GLRX2: variants seen among roughly 807,000 people sequenced by gnomAD.
GLRX2 encodes the protein bA101E13.1 (GRX2 glutaredoxin (thioltransferase) 2).
A neutral mutation model predicts 16.4 loss-of-function variants in GLRX2; 12 were observed. The observed-to-expected ratio is 0.73, with a 90% CI of 0.47 to 1.19. The LOEUF is 1.19. GLRX2 is among the 50% of genes most tolerant of loss of function. GLRX2 has a pLI of 0.00. For missense variants in GLRX2, 201 were observed against 201.8 expected (o/e 1.00, Z 0.02); for synonymous variants, 95 against 76.2 (o/e 1.25, Z -1.28).
At chr1:193,100,135 C>T (rs1225118977) in intron 2 of GLRX2, among the ~76,000 whole-genome samples, 1 of 152,142 alleles carries the variant, frequency 6.6e-6, no homozygotes, top group Non-Finnish European at 1.5e-5. Flanking sequence ...ACTTCTCAAG[C>T]TCGCCCTTAA....
intron 1 of GLRX2, among the ~76,000 whole-genome samples, chr1:193,103,210 C>T (rs1675114189): frequency 6.6e-6 from 1 of 152,078 alleles, no homozygotes; most frequent in South Asian, 2.1e-4. Context: ...TTGCTAAGGT[C>T]TATGGTAAGA....
chr1:193,098,366 C>T (rs1486788418), intron 2 of GLRX2, among the ~76,000 whole-genome samples: 1 of 152,024 alleles, frequency 6.6e-6, no homozygotes, highest in Non-Finnish European at 1.5e-5. Context: ...AATGGTGAAA[C>T]TCCATCTCTA....
chr1:193,097,307 C>A (rs1038747261), intron 3 of GLRX2, among the ~76,000 whole-genome samples: 2 of 152,230 alleles, frequency 1.3e-5, no homozygotes, highest in Admixed American at 6.5e-5. Context: ...AGAATACTTT[C>A]ATCTTGCCAA....
upstream of GLRX2, chr1:193,105,685 G>A (rs766653023): frequency 6.4e-7 from 1 of 1,554,060 alleles, no homozygotes; most frequent in Non-Finnish European, 8.7e-7. Context: ...CGCTCATAAA[G>A]GCTCCCAGGC....
chr1:193,103,915 G>GA (rs1296991400), intron 1 of GLRX2, among the ~76,000 whole-genome samples: 1 of 152,192 alleles, frequency 6.6e-6, no homozygotes, highest in African/African-American at 2.4e-5. Context: ...TAAGATAAAA[G>GA]AAAGTTGAGT....
At position 193,101,128 on chromosome 1, in the gene GLRX2, C is replaced by T. The variant is rs1298759909; in HGVS notation, c.183+13G>A. On this transcript the variant is annotated intron_variant, in intron 2 of 3. Transcript: ENST00000367439. ...CAGAGGAAAGTTTTTCAATCATCTCCCACATCACTCACTTGGATCTGGTTC... is the reference window on the plus strand; with the variant it reads ...CAGAGGAAAGTTTTTCAATCATCTCTCACATCACTCACTTGGATCTGGTTC... The T allele has an allele frequency of 1.3e-6, 2 of 1,582,224 alleles. No individual in the cohort carries two copies. Among genetic ancestry groups the T allele is most frequent in the South Asian group, 1.1e-5 (1 of 90,452 alleles).
intron 2 of GLRX2, among the ~76,000 whole-genome samples, chr1:193,099,915 A>G (rs1487741509): frequency 6.6e-6 from 1 of 152,182 alleles, no homozygotes; most frequent in African/African-American, 2.4e-5. Context: ...AGTGGTTCGT[A>G]ATACTGGGAT....
chr1:193,096,577 C>T lies in GLRX2; in HGVS notation c.*48G>A. ...ATTTAAAAGACATTATCGGGCATTA[C>T]CACTTTAAATAACTGACACTGTACT... is the stretch of plus-strand genomic sequence containing the variant. On this transcript the variant is annotated 3_prime_UTR_variant, in exon 4 of 4. Coordinates refer to ENST00000367439, the MANE Select transcript of GLRX2 (RefSeq NM_197962.3). 9.2e-7 allele frequency: 1 copy of T among 1,082,170 alleles called. No homozygotes were observed. The highest frequency in any genetic ancestry group is 2.4e-5 in the East Asian group (1 of 40,934). 67.0% of individuals were successfully genotyped at this position (1,082,170 alleles called of 1,614,324 possible).
intron 1 of GLRX2, among the ~76,000 whole-genome samples, chr1:193,102,987 A>C (rs1037733903): frequency 1.3e-5 from 2 of 152,142 alleles, no homozygotes; most frequent in African/African-American, 2.4e-5. Context: ...CAGTGTGGTG[A>C]TGCTTGTGTT....
upstream of GLRX2, chr1:193,105,686 G>A (rs1189554964): frequency 5.8e-6 from 9 of 1,553,300 alleles, no homozygotes; most frequent in South Asian, 1.2e-5. Context: ...GCTCATAAAG[G>A]CTCCCAGGCA....
chr1:193,105,264 C>T lies in GLRX2; in HGVS notation c.119G>A (p.Gly40Glu), dbSNP rs1218791518. ...GCACTCCTGCCCGCTGACCCCGTAC[C>T]CAGAGGCCGCAGCTGCCGCAGCTCC... ...AAGAAAAAAS[G>E]MESNTSSSLE... is the part of the protein sequence containing the mutation. The change falls in exon 1 of 4, where the codon GGG becomes GAG. Residue 40 changes from glycine to glutamate, a missense_variant and splice_region_variant. Coordinates refer to ENST00000367439, the MANE Select transcript of GLRX2 (RefSeq NM_197962.3). 6.5e-7 allele frequency: 1 copy of T among 1,534,734 alleles called. No individual in the cohort carries two copies. Among genetic ancestry groups the T allele is most frequent in the South Asian group, 1.2e-5 (1 of 83,924 alleles).
At chr1:193,104,488 G>A (rs573090610) in intron 1 of GLRX2, among the ~76,000 whole-genome samples, 5 of 152,358 alleles carry the variant, frequency 3.3e-5, no homozygotes, top group Admixed American at 3.3e-4. Context: ...GGTCTGGAAA[G>A]TTAAACTTGA....
chr1:193,099,884 C>T lies in GLRX2; in HGVS notation c.183+1257G>A, dbSNP rs570997186. Among the ~76,000 whole-genome samples, 38 of 152,250 alleles carry T rather than the reference C, an allele frequency of 2.5e-4. No homozygotes were observed. In the South Asian group the frequency reaches 6.2e-3, roughly 25 times the overall value. The stretch of plus-strand genomic sequence containing the variant: ...GAGATGTATTAATGAATCCATCTTA[C>T]GGAGGACAAAACTAAGGCTGAGTGG... On this transcript the variant is annotated intron_variant, in intron 2 of 3. Transcript: ENST00000367439.
rs1176845306 is a variant in GLRX2, at chr1:193,097,593, A to G, written c.351T>C (p.Gly117=). 3.7e-6 allele frequency: 6 copies of G among 1,606,428 alleles called. No homozygotes were observed. Among genetic ancestry groups the G allele is most frequent in the Non-Finnish European group, 5.1e-6 (6 of 1,177,134 alleles). Residue 117 remains glycine (G), a synonymous_variant, in exon 3 of 4, where the codon GGT becomes GGC. Transcript: ENST00000367439. ...CAGAGGATATACTCACAGTTCTTTC[A>G]CCAGTCATTTTGTAAAGAGCATCTT... The part of the protein sequence containing the change: ...QFQDALYKMT[G]ERTVPRIFVN...
rs1675175071 is a variant in GLRX2, at chr1:193,105,412, A to C, written c.-30T>G. 6.7e-7 allele frequency: 1 copy of C among 1,495,626 alleles called. No individual in the cohort carries two copies. The highest frequency in any genetic ancestry group is 8.8e-7 in the Non-Finnish European group (1 of 1,132,360). 92.6% of individuals were successfully genotyped at this position (1,495,626 alleles called of 1,614,324 possible). ...AGAGCCCGGATCTGCAGCGAGCTCT[A>C]CTGCCGGACACCGCGGATCCCGGGA... On this transcript the variant is annotated 5_prime_UTR_variant, in exon 1 of 4. Coordinates refer to ENST00000367439, the MANE Select transcript of GLRX2 (RefSeq NM_197962.3).
chr1:193,105,311 A>C lies in GLRX2; in HGVS notation c.72T>G (p.Leu24=), dbSNP rs1297292742. Reference sequence around the variant, plus strand: ...CTCCCGCAGCTCCCGCCGCCCTGTCAAGCCAGCCTGCCGAGCCGCTCCTGC... The same window carrying C: ...CTCCCGCAGCTCCCGCCGCCCTGTCCAGCCAGCCTGCCGAGCCGCTCCTGC... ...VWSRSGSAGW[L]DRAAGAAGAA... Residue 24 remains leucine, a synonymous_variant, in exon 1 of 4, where the codon CTT becomes CTG. Coordinates refer to ENST00000367439, the MANE Select transcript of GLRX2 (RefSeq NM_197962.3). 2 of 1,535,028 alleles carry C rather than the reference A, an allele frequency of 1.3e-6. No individual in the cohort carries two copies. The highest frequency in any genetic ancestry group is 2.5e-5 in the East Asian group (1 of 39,766).
intron 1 of GLRX2, among the ~76,000 whole-genome samples, chr1:193,104,716 A>C (rs1362027951): frequency 6.6e-6 from 1 of 152,232 alleles, no homozygotes; most frequent in Non-Finnish European, 1.5e-5. Context: ...GGAAAGCACT[A>C]TCCTCGGTCT....
upstream of GLRX2, chr1:193,106,036 G>A (rs756740456): frequency 2.6e-3 from 2,544 of 987,930 alleles, 4 homozygotes; most frequent in Non-Finnish European, 2.9e-3. Context: ...GCACAGAGAT[G>A]TTTCACCATG....
At chr1:193,098,922 A>G (rs969899625) in intron 2 of GLRX2, among the ~76,000 whole-genome samples, 5 of 152,150 alleles carry the variant, frequency 3.3e-5, no homozygotes, top group African/African-American at 1.2e-4. Context: ...CTATTCTATA[A>G]CTTTCAATGG....
Sources: allele counts gnomAD v4.1 joint callset (sites outside exome capture counted in the v4.1 genomes callset), GRCh38; gene constraint gnomAD v4.1.1; transcripts MANE v1.5; gene names NCBI Gene and HGNC (gene_info 2026-07-23, HGNC 2026-07-21).